Variants in JAKMIP2 observed in about 807,000 individuals in gnomAD.
The protein encoded by JAKMIP2 is janus kinase and microtubule-interacting protein 2.
A neutral mutation model predicts 115.0 loss-of-function variants in JAKMIP2; 25 were observed. The ratio of observed to expected loss-of-function variants is 0.22; its 90% confidence interval spans 0.16 to 0.30. The LOEUF (loss-of-function observed/expected upper bound fraction) is 0.30, where lower values mean the gene tolerates loss of function less well. Among genes scored for constraint, JAKMIP2 ranks in the 10% least tolerant of loss-of-function variants. The pLI is 1.00. For synonymous variants in JAKMIP2, 334 were observed against 343.6 expected (o/e 0.97, Z 0.31); for missense variants, 642 against 957.6 (o/e 0.67, Z 4.35).
At chr5:147,675,431 C>T (rs976787926) in intron 1 of JAKMIP2, among the ~76,000 whole-genome samples, 4 of 151,904 alleles carry the variant, frequency 2.6e-5, no homozygotes, top group African/African-American at 9.7e-5. Context: ...TCATGATTCT[C>T]ATACTCTAAT....
At chr5:147,701,209 G>T (rs1325288629) in intron 1 of JAKMIP2, among the ~76,000 whole-genome samples, 1 of 152,172 alleles carries the variant, frequency 6.6e-6, no homozygotes, top group Non-Finnish European at 1.5e-5. Context: ...AAGAAGGATG[G>T]ATCCAGAGGC....
chr5:147,639,184 T>C (rs1757765959), intron 10 of JAKMIP2, among the ~76,000 whole-genome samples: 1 of 152,184 alleles, frequency 6.6e-6, no homozygotes, highest in South Asian at 2.1e-4. Flanking sequence ...ATATCTGCCT[T>C]AGGGGACTGT....
chr5:147,672,604 C>T lies in JAKMIP2; in HGVS notation c.-148-650G>A, dbSNP rs184132239. Among the ~76,000 whole-genome samples, 21 of 152,128 alleles carry T rather than the reference C, an allele frequency of 1.4e-4. 1 individual carries two copies. Among genetic ancestry groups the T allele is most frequent in the Admixed American group, 4.6e-4 (7 of 15,282 alleles). On this transcript the variant is annotated intron_variant, in intron 1 of 21. Coordinates refer to ENST00000616793, the MANE Select transcript of JAKMIP2 (RefSeq NM_001270941.2). ...TATCTATCAACGATCTATCTATCTACGTCACCATCCATAATCTGATAAGAG... is the reference window on the plus strand; with the variant it reads ...TATCTATCAACGATCTATCTATCTATGTCACCATCCATAATCTGATAAGAG...
At chr5:147,659,345 G>T (rs559944836) in intron 3 of JAKMIP2, among the ~76,000 whole-genome samples, 1 of 152,246 alleles carries the variant, frequency 6.6e-6, no homozygotes, top group Admixed American at 6.5e-5. Context: ...GCTTCTGCTG[G>T]TTCTCTGTGG....
At chr5:147,631,391 A>G in intron 14 of JAKMIP2, 22 bp downstream of exon 14, 1 of 1,485,584 alleles carries the variant, frequency 6.7e-7, no homozygotes, top group Non-Finnish European at 9.2e-7. Context: ...CTACAAACAT[A>G]AAAAATGAAA....
At chr5:147,678,890 T>G (rs1760112986) in intron 1 of JAKMIP2, among the ~76,000 whole-genome samples, 1 of 152,156 alleles carries the variant, frequency 6.6e-6, no homozygotes, top group Non-Finnish European at 1.5e-5. Context: ...TAGGTTATAA[T>G]CCTGGTTGTA....
At chr5:147,757,920 C>T (rs10051917) in intron 1 of JAKMIP2, among the ~76,000 whole-genome samples, 1,588 of 152,062 alleles carry the variant, frequency 0.01, 29 homozygotes, top group African/African-American at 0.037. Flanking sequence ...TTTGTCTCTT[C>T]GGAATGTGTC....
chr5:147,719,991 T>G (rs1166442140), intron 1 of JAKMIP2, among the ~76,000 whole-genome samples: 1 of 152,060 alleles, frequency 6.6e-6, no homozygotes, highest in Admixed American at 6.6e-5. Flanking sequence ...TGGTACCGGT[T>G]GTTCCTTTCC....
At chr5:147,659,477 C>T (rs80133021) in intron 3 of JAKMIP2, among the ~76,000 whole-genome samples, 2 of 152,290 alleles carry the variant, frequency 1.3e-5, no homozygotes, top group East Asian at 3.9e-4. Flanking sequence ...TGTTTCCATT[C>T]GGCCATCTTG....
At chr5:147,615,206 T>C (rs1034703517) in intron 19 of JAKMIP2, among the ~76,000 whole-genome samples, 3 of 152,146 alleles carry the variant, frequency 2.0e-5, no homozygotes, top group African/African-American at 7.2e-5. Context: ...AATGAGTGCA[T>C]AACAGAATAT....
rs576475257 is a variant in JAKMIP2, at chr5:147,610,576, C to G, written c.2412+1730G>C. Among the ~76,000 whole-genome samples the G allele has an allele frequency of 1.1e-4, 16 of 152,278 alleles. No homozygotes were observed. In the South Asian group the frequency reaches 3.3e-3, roughly 32 times the overall value. On this transcript the variant is annotated intron_variant, in intron 20 of 21. Transcript: ENST00000616793. ...GGAAGCTTCGTCCCTGAAGGGCACACGTCAGATGCCAGCCAGAGTTCTCCA... is the reference window on the plus strand; with the variant it reads ...GGAAGCTTCGTCCCTGAAGGGCACAGGTCAGATGCCAGCCAGAGTTCTCCA...
rs903063424 is a variant in JAKMIP2, at chr5:147,650,615, G to A, written c.628-68C>T. ...TAAAGAAATACATTTTTACAATGGT[G>A]TAGGTTTAACTTCTTTTATCTGATT... On this transcript the variant is annotated intron_variant, in intron 3 of 21. Transcript: ENST00000616793. The A allele has an allele frequency of 2.1e-5, 26 of 1,248,928 alleles. No individual in the cohort carries two copies. In the African/African-American group the frequency reaches 2.8e-4, roughly 14 times the overall value. 77.4% of individuals were successfully genotyped at this position (1,248,928 alleles called of 1,614,324 possible).
chr5:147,674,038 C>T (rs1312735538), intron 1 of JAKMIP2, among the ~76,000 whole-genome samples: 1 of 152,100 alleles, frequency 6.6e-6, no homozygotes, highest in Non-Finnish European at 1.5e-5. Flanking sequence ...ATACATACAA[C>T]ACTTTACTTA....
At chr5:147,593,330 AT>A (rs1177621820) in intron 21 of JAKMIP2, among the ~76,000 whole-genome samples, 1 of 152,236 alleles carries the variant, frequency 6.6e-6, no homozygotes, top group African/African-American at 2.4e-5. Flanking sequence ...ATTCACACAT[AT>A]GTTGCCCAGA....
intron 1 of JAKMIP2, among the ~76,000 whole-genome samples, chr5:147,705,607 A>T (rs77095941): frequency 0.026 from 3,951 of 152,084 alleles, 182 homozygotes; most frequent in African/African-American, 0.09. Context: ...ACTTTTGGCA[A>T]CACCCCATCA....
rs55878160 is a variant in JAKMIP2 at position 147,682,956 on chromosome 5, A to G, written c.-148-11002T>C. ...CTGGATTTAGAAGGCTTTTGCTAGG[A>G]TGAATTTAACAAAGTAAGTCTTTAA... On this transcript the variant is annotated intron_variant, in intron 1 of 21. Transcript: ENST00000616793. Among the ~76,000 whole-genome samples, 1,427 of 152,290 alleles carry G rather than the reference A, an allele frequency of 9.4e-3. 23 individuals carry two copies. Among genetic ancestry groups the G allele is most frequent in the African/African-American group, 0.033 (1,366 of 41,550 alleles).
chr5:147,717,397 C>G (rs1343198233), intron 1 of JAKMIP2, among the ~76,000 whole-genome samples: 2 of 145,424 alleles, frequency 1.4e-5, no homozygotes, highest in East Asian at 4.1e-4. Context: ...GCATTGGTAG[C>G]TTGATGGGGA....
At chr5:147,740,549 C>T (rs898372881) in intron 1 of JAKMIP2, among the ~76,000 whole-genome samples, 6 of 152,190 alleles carry the variant, frequency 3.9e-5, no homozygotes, top group Non-Finnish European at 8.8e-5. Context: ...AACCCAAGGG[C>T]CTTCCCCATT....
intron 3 of JAKMIP2, among the ~76,000 whole-genome samples, chr5:147,651,651 G>C (rs906280096): frequency 1.3e-5 from 2 of 152,054 alleles, no homozygotes; most frequent in Non-Finnish European, 2.9e-5. Flanking sequence ...AACAGAAATG[G>C]TGTTACATAG....
Sources: allele counts gnomAD v4.1 joint callset (sites outside exome capture counted in the v4.1 genomes callset), GRCh38; gene constraint gnomAD v4.1.1; transcripts MANE v1.5; gene names NCBI Gene and HGNC (gene_info 2026-07-23, HGNC 2026-07-21).